Variants in MCC observed in about 807,000 individuals in gnomAD.
MCC encodes the protein MCC regulator of Wnt signaling pathway.
Under a neutral mutation model 116.2 loss-of-function variants are expected in MCC, and 90 were observed. The observed-to-expected ratio is 0.77, with a 90% CI of 0.65 to 0.92. The LOEUF is 0.92. Ranked by LOEUF, MCC falls within the 40% of genes least tolerant of loss-of-function variation. The pLI, the probability that MCC is intolerant of heterozygous loss-of-function variation, is 0.00. For synonymous variants in MCC, 578 were observed against 510.5 expected, an observed-to-expected ratio of 1.13 and a Z score of -1.78; for missense variants, 1,516 against 1,312.2, an observed-to-expected ratio of 1.16 and a Z score of -2.40.
intron 3 of MCC, among the ~76,000 whole-genome samples, chr5:113,177,799 C>T (rs944315963): frequency 2.6e-5 from 4 of 152,152 alleles, no homozygotes; most frequent in African/African-American, 9.7e-5. Flanking sequence ...AGTGGGTACA[C>T]AGTCTTCATA....
chr5:113,111,356 T>C (rs761815654), intron 6 of MCC, among the ~76,000 whole-genome samples: 18 of 152,066 alleles, frequency 1.2e-4, no homozygotes, highest in Non-Finnish European at 2.1e-4. Context: ...TTAGGTTCAT[T>C]GGTGTATCTA....
chr5:113,395,158 G>C (rs1769492864), intron 1 of MCC, among the ~76,000 whole-genome samples: 1 of 152,034 alleles, frequency 6.6e-6, no homozygotes, highest in Non-Finnish European at 1.5e-5. Flanking sequence ...TGAATACGTG[G>C]GTAAATATAA....
chr5:113,422,091 T>G (rs1353716298), intron 1 of MCC, among the ~76,000 whole-genome samples: 1 of 152,212 alleles, frequency 6.6e-6, no homozygotes, highest in Non-Finnish European at 1.5e-5. Flanking sequence ...GTCAGTGCTG[T>G]GTTGGTGAAG....
rs373951706 is a variant in MCC at position 113,320,676 on chromosome 5, G to A, written c.627+19843C>T. Among the ~76,000 whole-genome samples the A allele has an allele frequency of 9.2e-4, 140 of 152,248 alleles. 1 individual carries two copies. Among genetic ancestry groups the A allele is most frequent in the African/African-American group, 3.2e-3 (134 of 41,546 alleles). On this transcript the variant is annotated intron_variant, in intron 3 of 18. Transcript: ENST00000408903. The stretch of plus-strand genomic sequence containing the variant: ...AGCAGAGTTCCTTGGCCAAACTATT[G>A]CTTCCAAAAAAGGTGATATCCTCAC...
intron 1 of MCC, among the ~76,000 whole-genome samples, chr5:113,486,654 G>A (rs994190312): frequency 7.2e-5 from 11 of 152,036 alleles, no homozygotes; most frequent in Non-Finnish European, 1.3e-4. Context: ...GACCAGCCTG[G>A]CCAAATTGTG....
At chr5:113,419,719 T>A (rs947126770) in intron 1 of MCC, among the ~76,000 whole-genome samples, 10 of 151,234 alleles carry the variant, frequency 6.6e-5, no homozygotes, top group Non-Finnish European at 1.3e-4. Context: ...ATGTCCTTTG[T>A]AGGGACATGG....
chr5:113,074,243 T>G (rs1443545812), intron 11 of MCC, among the ~76,000 whole-genome samples: 1 of 152,214 alleles, frequency 6.6e-6, no homozygotes, highest in Non-Finnish European at 1.5e-5. Context: ...TTCTGCAGCC[T>G]CCGCTGGTGA....
intron 5 of MCC, among the ~76,000 whole-genome samples, chr5:113,132,423 CATACAT>C (rs1259216709): frequency 0.052 from 6,702 of 130,130 alleles, 371 homozygotes; most frequent in African/African-American, 0.13. Flanking sequence ...TATATACACA[CATACAT>C]ATATATATAT....
chr5:113,399,497 A>T lies in MCC; in HGVS notation c.171-14285T>A, dbSNP rs541419262. Among the ~76,000 whole-genome samples the T allele has an allele frequency of 1.8e-3, 269 of 152,290 alleles. 6 individuals are homozygous for T. The East Asian group carries it at 0.02, about 11-fold the overall frequency. ...AAGACTCTGTCTCAAAAAAATAAAT[A>T]AATAAATAAAAGTCAGTTATTATTA... On this transcript the variant is annotated intron_variant, in intron 1 of 18. Transcript: ENST00000408903.
chr5:113,056,935 C>G (rs1480695439), intron 14 of MCC, among the ~76,000 whole-genome samples: 1 of 152,046 alleles, frequency 6.6e-6, no homozygotes, highest in Non-Finnish European at 1.5e-5. Flanking sequence ...AAAAATGAAG[C>G]AGGGAAGAGG....
intron 5 of MCC, among the ~76,000 whole-genome samples, chr5:113,127,368 G>A (rs1758119899): frequency 6.6e-6 from 1 of 152,200 alleles, no homozygotes; most frequent in African/African-American, 2.4e-5. Context: ...TATATACCCA[G>A]TAATGTGATT....
At chr5:113,204,535 T>C (rs1762826760) in intron 3 of MCC, 2 of 152,258 alleles carry the variant, frequency 1.3e-5, no homozygotes, top group Non-Finnish European at 2.9e-5. Flanking sequence ...TCATCAAGTC[T>C]CTGTTCTCTC....
At chr5:113,205,790 C>G (rs1472958110) in intron 3 of MCC, among the ~76,000 whole-genome samples, 34 of 152,144 alleles carry the variant, frequency 2.2e-4, no homozygotes, top group Admixed American at 2.2e-3. Flanking sequence ...TGAGGGGTGG[C>G]ATGGGTAGAT....
At chr5:113,150,386 T>C (rs1759781901) in intron 4 of MCC, among the ~76,000 whole-genome samples, 1 of 152,076 alleles carries the variant, frequency 6.6e-6, no homozygotes, top group African/African-American at 2.4e-5. Flanking sequence ...AACATCCTTA[T>C]AAACCATAAA....
chr5:113,336,659 T>C (rs1176907259), intron 3 of MCC, among the ~76,000 whole-genome samples: 2 of 152,200 alleles, frequency 1.3e-5, no homozygotes, highest in Admixed American at 6.5e-5. Context: ...TCTTCATAGA[T>C]TGCATCACCA....
intron 5 of MCC, among the ~76,000 whole-genome samples, chr5:113,133,287 C>G (rs759876726): frequency 1.6e-4 from 25 of 152,246 alleles, no homozygotes; most frequent in Middle Eastern, 3.4e-3. Context: ...CTTCATCCCC[C>G]TCTCCTCCCT....
intron 1 of MCC, among the ~76,000 whole-genome samples, chr5:113,419,840 C>G (rs575434013): frequency 9.3e-5 from 12 of 128,470 alleles, no homozygotes; most frequent in African/African-American, 2.4e-4. Flanking sequence ...ATGGACACAA[C>G]AAGGGGAACA....
chr5:113,421,649 G>A (rs1770339423), intron 1 of MCC, among the ~76,000 whole-genome samples: 1 of 152,188 alleles, frequency 6.6e-6, no homozygotes, highest in African/African-American at 2.4e-5. Flanking sequence ...ACAGTAGGAA[G>A]GACCCAGACT....
In MCC at chr5:113,404,521, A is replaced by T. The variant is rs555092631; in HGVS notation, c.171-19309T>A. On this transcript the variant is annotated intron_variant, in intron 1 of 18. Transcript: ENST00000408903. ...AAGGTCACTCTCACAGCCTGCTGCA[A>T]CATTCACTGCAGTTTGGCAGTCTTT... Among the ~76,000 whole-genome samples the T allele has an allele frequency of 3.9e-5, 6 of 152,330 alleles. No individual in the cohort carries two copies. In the East Asian group the frequency reaches 1.2e-3, roughly 29 times the overall value.
Sources: allele counts gnomAD v4.1 joint callset (sites outside exome capture counted in the v4.1 genomes callset), GRCh38; gene constraint gnomAD v4.1.1; transcripts MANE v1.5; gene names NCBI Gene and HGNC (gene_info 2026-07-23, HGNC 2026-07-21).